The following CNTNAP2 variants were observed in gnomAD, a reference collection of about 807,000 sequenced individuals.
CNTNAP2 encodes the protein contactin associated protein 2.
A neutral mutation model predicts 155.2 loss-of-function variants in CNTNAP2; 98 were observed. The ratio of observed to expected loss-of-function variants is 0.63; its 90% CI spans 0.54 to 0.75. The LOEUF is 0.75. Ranked by LOEUF, CNTNAP2 falls within the 30% of genes least tolerant of loss-of-function variation. The pLI is 0.00. For synonymous variants in CNTNAP2, 651 were observed against 631.2 expected (o/e 1.03, Z -0.47); for missense variants, 1,727 against 1,688.1 (o/e 1.02, Z -0.40).
intron 1 of CNTNAP2, among the ~76,000 whole-genome samples, chr7:146,694,859 A>G (rs185604804): frequency 3.9e-4 from 60 of 152,236 alleles, no homozygotes; most frequent in Admixed American, 7.9e-4. Flanking sequence ...TGCTAATGTG[A>G]ATGATTTTAT....
At chr7:147,724,522 G>C (rs990665253) in intron 13 of CNTNAP2, among the ~76,000 whole-genome samples, 1 of 152,016 alleles carries the variant, frequency 6.6e-6, no homozygotes, top group Non-Finnish European at 1.5e-5. Flanking sequence ...TTAAGTGACA[G>C]CTAGATTCAA....
At position 147,326,852 on chromosome 7, in the gene CNTNAP2, A is replaced by G. The variant is rs531225229; in HGVS notation, c.1498+26562A>G. Among the ~76,000 whole-genome samples the G allele has an allele frequency of 2.6e-5, 4 of 152,312 alleles. No homozygotes were observed. In the South Asian group the frequency reaches 6.2e-4, roughly 24 times the overall value. ...TACTTAGCCCATTTCACATTTCACA[A>G]TGAGACCACTAGACTATAAGTTCTT... On this transcript the variant is annotated intron_variant, in intron 9 of 23. Transcript: ENST00000361727.
intron 1 of CNTNAP2, among the ~76,000 whole-genome samples, chr7:146,681,885 T>A (rs1395374818): frequency 6.6e-6 from 1 of 152,200 alleles, no homozygotes; most frequent in Non-Finnish European, 1.5e-5. Flanking sequence ...ACAATAATTA[T>A]GCTAGTTTTC....
At chr7:146,477,624 AACACACACACAC>A (rs1162610079) in intron 1 of CNTNAP2, among the ~76,000 whole-genome samples, 2,963 of 131,706 alleles carry the variant, frequency 0.022, 78 homozygotes, top group African/African-American at 0.071. Context: ...TTCTTCAGCA[AACACACACACAC>A]ACACACACAC....
intron 1 of CNTNAP2, among the ~76,000 whole-genome samples, chr7:146,607,638 G>T (rs774406099): frequency 6.6e-6 from 1 of 151,600 alleles, no homozygotes; most frequent in African/African-American, 2.4e-5. Context: ...ATCATATCTC[G>T]CTAATTTTTT....
intron 1 of CNTNAP2, chr7:146,311,770 C>T (rs1800829009): frequency 6.6e-6 from 1 of 151,372 alleles, no homozygotes; most frequent in Non-Finnish European, 1.5e-5. Context: ...CAACCAGTTA[C>T]AGAGATTTAT....
intron 8 of CNTNAP2, among the ~76,000 whole-genome samples, chr7:147,217,134 C>A (rs1803290309): frequency 6.6e-6 from 1 of 151,868 alleles, no homozygotes. Flanking sequence ...AACATGATTT[C>A]TTCCTTTTTT....
chr7:146,883,605 G>A (rs1427818882), intron 3 of CNTNAP2, among the ~76,000 whole-genome samples: 1 of 152,098 alleles, frequency 6.6e-6, no homozygotes, highest in Non-Finnish European at 1.5e-5. Flanking sequence ...TTCTGTCTCT[G>A]CTCCATTCCT....
At chr7:146,736,342 A>G (rs11971249) in intron 1 of CNTNAP2, among the ~76,000 whole-genome samples, 4,531 of 152,252 alleles carry the variant, frequency 0.03, 221 homozygotes, top group African/African-American at 0.1. Flanking sequence ...AGTCAAAGAC[A>G]ATGGGAAAAA....
chr7:147,874,022 T>A (rs991348786), intron 13 of CNTNAP2, among the ~76,000 whole-genome samples: 1 of 152,208 alleles, frequency 6.6e-6, no homozygotes, highest in Non-Finnish European at 1.5e-5. Flanking sequence ...TGCCAAAGGT[T>A]GGCTCACACA....
intron 1 of CNTNAP2, among the ~76,000 whole-genome samples, chr7:146,195,544 A>G (rs1798763193): frequency 6.6e-6 from 1 of 152,234 alleles, no homozygotes; most frequent in African/African-American, 2.4e-5. Flanking sequence ...TATTTAAAAG[A>G]TACACTAAAT....
At chr7:148,152,770 C>G (rs1805320814) in intron 17 of CNTNAP2, among the ~76,000 whole-genome samples, 1 of 152,120 alleles carries the variant, frequency 6.6e-6, no homozygotes, top group Admixed American at 6.6e-5. Flanking sequence ...CCTGTAATCC[C>G]AGCACTTTGG....
chr7:146,556,483 G>A (rs1376196113), intron 1 of CNTNAP2, among the ~76,000 whole-genome samples: 2 of 152,108 alleles, frequency 1.3e-5, no homozygotes, highest in Non-Finnish European at 1.5e-5. Flanking sequence ...TATGATAGGT[G>A]CCTAATAACT....
chr7:147,004,214 AAAAAAAAAAAAAAG>A (rs1798482299), intron 3 of CNTNAP2, among the ~76,000 whole-genome samples: 1 of 146,710 alleles, frequency 6.8e-6, no homozygotes, highest in Non-Finnish European at 1.5e-5. Context: ...TCATATACCA[AAAAAAAAAAAAAAG>A]AAAAAGAAAA....
chr7:148,271,885 G>A (rs1043630325), intron 21 of CNTNAP2, among the ~76,000 whole-genome samples: 7 of 152,012 alleles, frequency 4.6e-5, no homozygotes, highest in African/African-American at 7.2e-5. Context: ...TATGTACTCC[G>A]GCCAGGTTTT....
At chr7:146,961,940 G>A (rs1339917442) in intron 3 of CNTNAP2, among the ~76,000 whole-genome samples, 2 of 152,060 alleles carry the variant, frequency 1.3e-5, no homozygotes, top group African/African-American at 4.8e-5. Context: ...AGCTGCTTGA[G>A]GTCATAGAGA....
At chr7:147,090,208 G>A (rs1177362475) in intron 4 of CNTNAP2, among the ~76,000 whole-genome samples, 1 of 152,062 alleles carries the variant, frequency 6.6e-6, no homozygotes, top group Admixed American at 6.6e-5. Flanking sequence ...TAAGTGGGTG[G>A]ATTAGAATAG....
chr7:146,811,182 G>T (rs965274976), intron 2 of CNTNAP2, among the ~76,000 whole-genome samples: 5 of 151,976 alleles, frequency 3.3e-5, no homozygotes, highest in Non-Finnish European at 7.4e-5. Flanking sequence ...CTCAATTTTT[G>T]GGGGGGAGAT....
At chr7:146,338,192 A>G (rs1801312664) in intron 1 of CNTNAP2, among the ~76,000 whole-genome samples, 1 of 152,134 alleles carries the variant, frequency 6.6e-6, no homozygotes, top group Admixed American at 6.6e-5. Context: ...TCCAAAGTAC[A>G]CACATATATT....
Sources: gnomAD v4.1 joint callset for allele counts (sites outside exome capture counted in the v4.1 genomes callset) on GRCh38, gnomAD v4.1.1 for gene constraint, MANE v1.5 for transcripts, NCBI Gene and HGNC (gene_info 2026-07-23, HGNC 2026-07-21) for gene names.